ANKS1B: variants seen among roughly 807,000 people sequenced by gnomAD.
ANKS1B encodes ankyrin repeat and sterile alpha motif domain containing 1B.
In ANKS1B, 36 loss-of-function variants were observed where a neutral mutation model predicts 148.3. That is an observed-to-expected ratio of 0.24 (90% CI 0.19 to 0.32). The LOEUF (loss-of-function observed/expected upper bound fraction) is 0.32, where lower values mean the gene tolerates loss of function less well. Among genes scored for constraint, ANKS1B ranks in the 10% least tolerant of loss-of-function variants. ANKS1B has a pLI of 1.00. For missense variants in ANKS1B, 1,157 were observed against 1,542.6 expected, an observed-to-expected ratio of 0.75 and a Z score of 4.19; for synonymous variants, 542 against 560.8, an observed-to-expected ratio of 0.97 and a Z score of 0.47.
intron 16 of ANKS1B, chr12:99,083,860 G>A (rs945743958): frequency 3.3e-5 from 5 of 152,134 alleles, no homozygotes; most frequent in Admixed American, 6.5e-5. Flanking sequence ...CTTAGCTTCC[G>A]AGATCAGACG....
chr12:99,759,189 G>C (rs1477923541), intron 8 of ANKS1B, among the ~76,000 whole-genome samples: 1 of 151,840 alleles, frequency 6.6e-6, no homozygotes, highest in South Asian at 2.1e-4. Flanking sequence ...GGAACTGTTA[G>C]GAAACTGTAA....
chr12:99,638,592 G>C (rs547525538), intron 9 of ANKS1B, among the ~76,000 whole-genome samples: 1 of 152,222 alleles, frequency 6.6e-6, no homozygotes, highest in South Asian at 2.1e-4. Flanking sequence ...GAGCATAAAA[G>C]TTTAGAATAT....
At chr12:98,872,447 G>A (rs532994653) in intron 17 of ANKS1B, among the ~76,000 whole-genome samples, 2 of 152,340 alleles carry the variant, frequency 1.3e-5, no homozygotes, top group African/African-American at 2.4e-5. Flanking sequence ...GCTAAGGCAG[G>A]AGAATCACTT....
At chr12:99,635,003 G>C (rs529745350) in intron 9 of ANKS1B, among the ~76,000 whole-genome samples, 1 of 152,282 alleles carries the variant, frequency 6.6e-6, no homozygotes, top group South Asian at 2.1e-4. Context: ...ACAAGCACAT[G>C]AAAAGATGCC....
intron 17 of ANKS1B, among the ~76,000 whole-genome samples, chr12:98,990,036 C>A (rs1469505079): frequency 3.3e-5 from 5 of 151,602 alleles, no homozygotes; most frequent in Admixed American, 2.6e-4. Flanking sequence ...GAAAGAAAAA[C>A]AGAAAGAAAA....
intron 9 of ANKS1B, among the ~76,000 whole-genome samples, chr12:99,567,489 A>G (rs1035606161): frequency 1.3e-5 from 2 of 151,966 alleles, no homozygotes; most frequent in African/African-American, 4.8e-5. Context: ...ATTATAGATA[A>G]TATTTTTTTC....
intron 16 of ANKS1B, among the ~76,000 whole-genome samples, chr12:99,078,421 T>C (rs2048538523): frequency 6.6e-6 from 1 of 152,222 alleles, no homozygotes; most frequent in Admixed American, 6.5e-5. Flanking sequence ...TCAGTGATGT[T>C]CAGGTTATGA....
intron 8 of ANKS1B, among the ~76,000 whole-genome samples, chr12:99,746,870 T>C (rs1349916425): frequency 2.0e-5 from 3 of 152,110 alleles, no homozygotes; most frequent in Admixed American, 6.6e-5. Context: ...ACATAACACA[T>C]TCAAGCAGTT....
At chr12:98,860,475 C>T (rs918057983) in intron 17 of ANKS1B, among the ~76,000 whole-genome samples, 3 of 152,220 alleles carry the variant, frequency 2.0e-5, no homozygotes, top group Middle Eastern at 3.4e-3. Flanking sequence ...CAGCCCTCAT[C>T]CAAAATATGC....
At chr12:99,269,207 A>G (rs1413586496) in intron 12 of ANKS1B, among the ~76,000 whole-genome samples, 1 of 152,196 alleles carries the variant, frequency 6.6e-6, no homozygotes, top group African/African-American at 2.4e-5. Flanking sequence ...TAAGGCAGTT[A>G]GTTTTGACTA....
At chr12:98,957,625 C>G (rs754823824) in intron 17 of ANKS1B, among the ~76,000 whole-genome samples, 1 of 152,050 alleles carries the variant, frequency 6.6e-6, no homozygotes, top group African/African-American at 2.4e-5. Context: ...GGATTACAGG[C>G]GTGAGCTGCC....
chr12:99,190,958 T>A (rs1255146509), intron 14 of ANKS1B, among the ~76,000 whole-genome samples: 1 of 150,084 alleles, frequency 6.7e-6, no homozygotes, highest in African/African-American at 2.5e-5. Context: ...GACAAACAGC[T>A]AATATCCAGA....
chr12:99,320,092 T>G (rs974250918), intron 12 of ANKS1B, among the ~76,000 whole-genome samples: 1 of 152,246 alleles, frequency 6.6e-6, no homozygotes, highest in Non-Finnish European at 1.5e-5. Flanking sequence ...CCTTTGTGGG[T>G]AACCTGCCCT....
At chr12:98,953,768 C>G (rs1239972713) in intron 17 of ANKS1B, among the ~76,000 whole-genome samples, 1 of 152,068 alleles carries the variant, frequency 6.6e-6, no homozygotes, top group Non-Finnish European at 1.5e-5. Flanking sequence ...ATCTTTCCAA[C>G]TTTCTAGTCT....
intron 17 of ANKS1B, among the ~76,000 whole-genome samples, chr12:98,839,399 C>G (rs7315362): frequency 0.28 from 42,516 of 151,652 alleles, 6,080 homozygotes; most frequent in Admixed American, 0.32. Context: ...ATGTATGTAT[C>G]TATCTTTCTA....
intron 14 of ANKS1B, chr12:99,154,842 C>T (rs1405106657): frequency 6.5e-7 from 1 of 1,528,030 alleles, no homozygotes; most frequent in Non-Finnish European, 8.7e-7. Flanking sequence ...TCCTTGCTCC[C>T]CCTCGCTCGC....
chr12:99,550,954 G>A (rs1334632644), intron 9 of ANKS1B, among the ~76,000 whole-genome samples: 1 of 152,058 alleles, frequency 6.6e-6, no homozygotes, highest in African/African-American at 2.4e-5. Context: ...TAAGTGTTAT[G>A]CTCTAATTTG....
At chr12:98,764,777 C>CT (rs1178433874) in intron 25 of ANKS1B, among the ~76,000 whole-genome samples, 1 of 152,220 alleles carries the variant, frequency 6.6e-6, no homozygotes, top group Non-Finnish European at 1.5e-5. Flanking sequence ...CTCACACAGA[C>CT]TAAGTGTTCA....
Position 99,643,530 on chromosome 12 carries a change from G to A in ANKS1B, c.1272+11537C>T, listed in dbSNP as rs112237028. Reference sequence around the variant, plus strand: ...TTGGAGTTCTCAGCTCTACCCTCTCGGGCCTCAGTCCCATCCTCTGAGTCC... The same window carrying A: ...TTGGAGTTCTCAGCTCTACCCTCTCAGGCCTCAGTCCCATCCTCTGAGTCC... On this transcript the variant is annotated intron_variant, in intron 9 of 26. Coordinates refer to ENST00000683438, the MANE Select transcript of ANKS1B (RefSeq NM_001352186.2). Among the ~76,000 whole-genome samples the A allele has an allele frequency of 1.9e-3, 282 of 152,194 alleles. 6 individuals are homozygous for A. The South Asian group carries it at 0.044, about 24-fold the overall frequency.
Sources: gnomAD v4.1 joint callset for allele counts (sites outside exome capture counted in the v4.1 genomes callset) on GRCh38, gnomAD v4.1.1 for gene constraint, MANE v1.5 for transcripts, NCBI Gene and HGNC (gene_info 2026-07-23, HGNC 2026-07-21) for gene names.